DNAH6: variants seen among roughly 807,000 people sequenced by gnomAD.
DNAH6 encodes dynein axonemal heavy chain 6.
A neutral mutation model predicts 491.4 loss-of-function variants in DNAH6; 340 were observed. The ratio of observed to expected loss-of-function variants is 0.69; its 90% CI spans 0.63 to 0.76. The LOEUF (loss-of-function observed/expected upper bound fraction) is 0.76. Ranked by LOEUF, DNAH6 falls within the 30% of genes least tolerant of loss-of-function variation. The probability of loss-of-function intolerance (pLI) is 0.00; values close to 1 mark genes in which losing one functional copy is unlikely to be tolerated. For missense variants in DNAH6, 4,443 were observed against 4,972.2 expected, an observed-to-expected ratio of 0.89 and a Z score of 3.20; for synonymous variants, 1,603 against 1,686.1, an observed-to-expected ratio of 0.95 and a Z score of 1.21.
chr2:84,667,317 C>T (rs1198314765), intron 37 of DNAH6, among the ~76,000 whole-genome samples: 2 of 152,102 alleles, frequency 1.3e-5, no homozygotes, highest in African/African-American at 2.4e-5. Context: ...AGGCAACCTA[C>T]AGAATGGGAG....
intron 29 of DNAH6, 69 bp from the exon 30 acceptor site, chr2:84,634,435 C>G: frequency 7.4e-7 from 1 of 1,346,014 alleles, no homozygotes; most frequent in South Asian, 2.1e-5. Context: ...AATATTTCAG[C>G]TCAGAATTTA....
At chr2:84,733,626 T>C in intron 62 of DNAH6, 47 bp downstream of exon 62, 1 of 1,504,184 alleles carries the variant, frequency 6.6e-7, no homozygotes, top group East Asian at 2.5e-5. Flanking sequence ...AAACAGGCTC[T>C]TGAATCCTAA....
intron 11 of DNAH6, among the ~76,000 whole-genome samples, chr2:84,559,199 T>A (rs564816506): frequency 6.6e-6 from 1 of 152,178 alleles, no homozygotes; most frequent in African/African-American, 2.4e-5. Flanking sequence ...CCATCCTACA[T>A]GCAGAAATGA....
intron 56 of DNAH6, among the ~76,000 whole-genome samples, 181 bp downstream of exon 56, chr2:84,710,593 A>G (rs932340317): frequency 1.3e-5 from 2 of 152,126 alleles, no homozygotes; most frequent in Admixed American, 1.3e-4. Context: ...GGTGGGAGGG[A>G]GGACCTGTTG....
rs779340215 is a variant in DNAH6, at chr2:84,677,026, T to C, written c.6634T>C (p.Cys2212Arg). 1.9e-6 allele frequency: 3 copies of C among 1,551,818 alleles called. No homozygotes were observed. The highest frequency in any genetic ancestry group is 2.4e-5 in the East Asian group (1 of 40,924). ...EIQDVTIISA[C>R]APPGGGRNPV... ...ACAGGATGTAACAATCATATCGGCA[T>C]GTGCACCTCCAGGCGGTGGCCGCAA... The change falls in exon 41 of 77, where the codon TGT becomes CGT. Residue 2212 changes from cysteine to arginine, a missense_variant. Cys to Arg is a radical substitution (Grantham distance 180). This residue lies in a region of DNAH6 where 2,977 missense variants were observed against 3,296.6 expected (regional missense o/e 0.90). Transcript: ENST00000389394.
rs371932584 is a variant in DNAH6, at chr2:84,624,999, A to G, written c.4451A>G (p.Asp1484Gly). The change falls in exon 29 of 77, where the codon GAT (aspartate) becomes GGT (glycine). Residue 1484 changes from aspartate to glycine, a missense_variant. Asp to Gly is a moderately conservative substitution (Grantham distance 94). Transcript: ENST00000389394. ...ACTGGGAAAACAGAGACTACCAAAG[A>G]TCTGGCAAAAGCTCTTGCCATCCAG... is the stretch of plus-strand genomic sequence containing the variant. The part of the protein sequence containing the change: ...AGTGKTETTK[D>G]LAKALAIQCV... 791 of 1,551,650 alleles carry G rather than the reference A, an allele frequency of 5.1e-4. 1 individual carries two copies. Among genetic ancestry groups the G allele is most frequent in the Admixed American group, 1.4e-3 (73 of 50,998 alleles).
chr2:84,759,464 G>A (rs538593962), intron 63 of DNAH6, among the ~76,000 whole-genome samples: 17 of 152,132 alleles, frequency 1.1e-4, no homozygotes, highest in African/African-American at 3.9e-4. Flanking sequence ...ACCCAAGATT[G>A]TGCCACTGCA....
chr2:84,814,057 C>A lies in DNAH6; in HGVS notation c.12085C>A (p.Gln4029Lys). ...KYSVIPTYRD[Q>K]AAVIEAAKTV... ...CAGCGTAATTCCCACCTATCGGGAT[C>A]AAGCTGCAGTGATAGAAGCTGCCAA... Residue 4029 changes from glutamine (Q) to lysine (K), a missense_variant, in exon 75 of 77, where the codon CAA becomes AAA. Gln to Lys is a moderately conservative substitution (Grantham distance 53). This residue lies in a region of DNAH6 where 1,463 missense variants were observed against 1,656.6 expected (regional missense o/e 0.88). Transcript: ENST00000389394. 6.4e-7 allele frequency: 1 copy of A among 1,551,718 alleles called. No individual in the cohort carries two copies.
chr2:84,539,719 T>C (rs1372754878), intron 4 of DNAH6, among the ~76,000 whole-genome samples: 2 of 152,172 alleles, frequency 1.3e-5, no homozygotes, highest in African/African-American at 4.8e-5. Flanking sequence ...CCAAGGACCA[T>C]ACATTGAGAA....
chr2:84,815,048 C>T (rs764234128), intron 75 of DNAH6, among the ~76,000 whole-genome samples: 5 of 152,236 alleles, frequency 3.3e-5, no homozygotes, highest in African/African-American at 4.8e-5. Flanking sequence ...AAGGTGCTCC[C>T]TCTGGGTGAT....
At chr2:84,810,508 G>A (rs1337308905) in intron 72 of DNAH6, among the ~76,000 whole-genome samples, 5 of 152,208 alleles carry the variant, frequency 3.3e-5, no homozygotes, top group Admixed American at 2.6e-4. Flanking sequence ...CCCATCAGAA[G>A]GGAGGTGCTC....
At chr2:84,732,418 G>A (rs1699199498) in intron 61 of DNAH6, among the ~76,000 whole-genome samples, 1 of 151,984 alleles carries the variant, frequency 6.6e-6, no homozygotes, top group Admixed American at 6.6e-5. Flanking sequence ...AATAAAATGT[G>A]GTATATTTAT....
At chr2:84,777,529 C>G (rs549195598) in intron 64 of DNAH6, 1 of 751,304 alleles carries the variant, frequency 1.3e-6, no homozygotes, top group East Asian at 2.5e-5. Flanking sequence ...GTTTGATCAC[C>G]TCATAAGCAC....
At position 84,745,138 on chromosome 2, in the gene DNAH6, C is replaced by T. The variant is rs759805734; in HGVS notation, c.10401C>T (p.His3467=). ...GGGAAGGCTATTCTAAAATGAAACACGAAGATAAACACATGAGACAGGAAA... is the reference window on the plus strand; with the variant it reads ...GGGAAGGCTATTCTAAAATGAAACATGAAGATAAACACATGAGACAGGAAA... ...QKWEGYSKMK[H]EDKHMRQEKE... Residue 3467 remains histidine (H), a synonymous_variant, in exon 63 of 77, where the codon CAC becomes CAT. Transcript: ENST00000389394. 5.2e-6 allele frequency: 8 copies of T among 1,545,982 alleles called. No homozygotes were observed. Among genetic ancestry groups the T allele is most frequent in the African/African-American group, 2.7e-5 (2 of 72,788 alleles).
At chr2:84,472,300 A>G in the DNAH6 span, among the ~76,000 whole-genome samples, 1 of 151,832 alleles carries the variant, frequency 6.6e-6, no homozygotes, top group Non-Finnish European at 1.5e-5. Flanking sequence ...AGTATGGGCA[A>G]TATTCCGTTG....
At chr2:84,565,545 T>A (rs1573036272) in intron 11 of DNAH6, among the ~76,000 whole-genome samples, 1 of 152,102 alleles carries the variant, frequency 6.6e-6, no homozygotes, top group Middle Eastern at 3.4e-3. Context: ...TGTAATTTCA[T>A]CTTTGTCAAT....
chr2:84,803,413 CGTGTAACAA>C (rs1559059494), intron 70 of DNAH6, among the ~76,000 whole-genome samples: 1 of 152,000 alleles, frequency 6.6e-6, no homozygotes, highest in Non-Finnish European at 1.5e-5. Flanking sequence ...GCAATATATC[CGTGTAACAA>C]ATGTGCACGT....
intron 28 of DNAH6, 48 bp from the exon 29 acceptor site, chr2:84,624,854 T>A (rs753377469): frequency 1.6e-4 from 230 of 1,477,418 alleles, no homozygotes; most frequent in Non-Finnish European, 1.9e-4. Context: ...CCTTAATTTG[T>A]GGCCAGAGTT....
chr2:84,525,037 G>C (rs1388327002), intron 2 of DNAH6, among the ~76,000 whole-genome samples: 1 of 151,926 alleles, frequency 6.6e-6, no homozygotes, highest in Non-Finnish European at 1.5e-5. Context: ...AACTCATAAT[G>C]CTTAGTAACA....
Sources: allele counts gnomAD v4.1 joint callset (sites outside exome capture counted in the v4.1 genomes callset), GRCh38; gene constraint gnomAD v4.1.1; regional missense constraint gnomAD v4.1.1; transcripts MANE v1.5; gene names NCBI Gene and HGNC (gene_info 2026-07-23, HGNC 2026-07-21).